Variants in GGT7 observed in about 807,000 individuals in gnomAD.
GGT7 encodes the protein glutathione hydrolase 7.
Under a neutral mutation model 69.2 loss-of-function variants are expected in GGT7, and 30 were observed. That is an observed-to-expected ratio of 0.43 (90% CI 0.32 to 0.59). The LOEUF (loss-of-function observed/expected upper bound fraction) is 0.59, where lower values mean the gene tolerates loss of function less well. Ranked by LOEUF, GGT7 falls within the 20% of genes least tolerant of loss-of-function variation. The probability of loss-of-function intolerance (pLI) is 0.05; values close to 1 mark genes in which losing one functional copy is unlikely to be tolerated. For synonymous variants in GGT7, 388 were observed against 391.8 expected, an observed-to-expected ratio of 0.99 and a Z score of 0.12; for missense variants, 733 against 901.1, an observed-to-expected ratio of 0.81 and a Z score of 2.39.
At chr20:34,858,687 C>G (rs2079533648) in intron 7 of GGT7, among the ~76,000 whole-genome samples, 1 of 152,210 alleles carries the variant, frequency 6.6e-6, no homozygotes, top group African/African-American at 2.4e-5. Flanking sequence ...TCAATCTCCC[C>G]AGTCTTGATA....
chr20:34,854,458 G>A, intron 10 of GGT7, 73 bp downstream of exon 10: 1 of 855,804 alleles, frequency 1.2e-6, no homozygotes. Flanking sequence ...TGCTATACCA[G>A]CTGCTTTTCT....
At chr20:34,866,574 A>ATTTTTG (rs747180745) in intron 1 of GGT7, among the ~76,000 whole-genome samples, 2 of 149,510 alleles carry the variant, frequency 1.3e-5, no homozygotes, top group Non-Finnish European at 3.0e-5. Context: ...TGAACATGTA[A>ATTTTTG]TTTTTGTTTT....
chr20:34,845,380 A>T lies in GGT7; in HGVS notation c.1937T>A (p.Ile646Asn). Residue 646 changes from isoleucine (I) to asparagine (N), a missense_variant, in exon 15 of 15, where the codon ATC (isoleucine) becomes AAC (asparagine). Physicochemically the swap from Ile to Asn is moderately radical, Grantham distance 149. Transcript: ENST00000336431. ...TGGGCTCCGAGGGTCCTTAACAGCG[A>T]TGATGAAGTTGTTGGTCCTTCGGCT... Reference protein sequence around the residue: ...HGSRRTNNFIIAVKDPRSPDA... With the variant: ...HGSRRTNNFINAVKDPRSPDA... The T allele has an allele frequency of 6.2e-7, 1 of 1,614,194 alleles. No individual in the cohort carries two copies. The highest frequency in any genetic ancestry group is 8.5e-7 in the Non-Finnish European group (1 of 1,180,024).
At chr20:34,847,358 G>A (rs17092148) in intron 14 of GGT7, among the ~76,000 whole-genome samples, 1 of 151,954 alleles carries the variant, frequency 6.6e-6, no homozygotes, top group South Asian at 2.1e-4. Flanking sequence ...GACAAATCAG[G>A]TCATGTGTCT....
chr20:34,859,407 G>A, intron 7 of GGT7, 36 bp downstream of exon 7: 1 of 1,511,364 alleles, frequency 6.6e-7, no homozygotes, highest in Non-Finnish European at 9.0e-7. Flanking sequence ...TAGGGACCTT[G>A]GGGCATGCCC....
Position 34,852,509 on chromosome 20 carries a change from T to C in GGT7, c.1349A>G (p.His450Arg), listed in dbSNP as rs1025353649. Residue 450 changes from histidine to arginine, a missense_variant, in exon 11 of 15, where the codon CAT becomes CGT. His to Arg is a conservative substitution (Grantham distance 29). Transcript: ENST00000336431. ...SKVEAAYLRG[H>R]INDSQAAPAP... ...AGGGGCTGCCTGGGAGTCATTGATA[T>C]GGCCCCGGAGGTAGGCGGCCTCCAC... is the stretch of plus-strand genomic sequence containing the variant. 3.8e-6 allele frequency: 6 copies of C among 1,597,402 alleles called. No individual in the cohort carries two copies. The highest frequency in any genetic ancestry group is 5.1e-6 in the Non-Finnish European group (6 of 1,172,488).
Position 34,857,705 on chromosome 20 carries a change from C to T in GGT7, c.1015-812G>A, listed in dbSNP as rs2079519166. On this transcript the variant is annotated intron_variant, in intron 7 of 14. Coordinates refer to ENST00000336431, the MANE Select transcript of GGT7 (RefSeq NM_178026.3). ...CGATCATGGCTCACTGTAGCCTCAA[C>T]CTTCCCAGGCTCAGATGATCCTCCT... is the stretch of plus-strand genomic sequence containing the variant. 2.0e-5 allele frequency among the ~76,000 whole-genome samples: 3 copies of T among 149,452 alleles called. No individual in the cohort carries two copies. The South Asian group carries it at 6.4e-4, about 32-fold the overall frequency.
At chr20:34,858,968 C>T (rs1022452109) in intron 7 of GGT7, among the ~76,000 whole-genome samples, 1 of 152,114 alleles carries the variant, frequency 6.6e-6, no homozygotes. Context: ...GTCAGGAGTT[C>T]GAGACCAGCC....
At chr20:34,854,356 T>C (rs2079451119) in intron 10 of GGT7, among the ~76,000 whole-genome samples, 175 bp downstream of exon 10, 1 of 152,222 alleles carries the variant, frequency 6.6e-6, no homozygotes, top group South Asian at 2.1e-4. Flanking sequence ...CTCATTGTGC[T>C]GATAGGAAAG....
In GGT7 at chr20:34,844,969, G is replaced by C. The variant is rs2079275495; in HGVS notation, c.*359C>G. 1.2e-5 allele frequency: 3 copies of C among 241,462 alleles called. No homozygotes were observed. In the South Asian group the frequency reaches 2.3e-4, roughly 19 times the overall value. The allele number at this position is 241,462 out of a possible 1,614,324, so 15.0% of individuals were successfully genotyped here. ...AGGTCAGGCCAGTCTGAAGATGTTG[G>C]GGTTGTGAGACCCTTGAGAAGGGTT... On this transcript the variant is annotated 3_prime_UTR_variant, in exon 15 of 15. Transcript: ENST00000336431.
intron 10 of GGT7, 128 bp downstream of exon 10, chr20:34,854,403 G>C: frequency 1.6e-6 from 1 of 624,664 alleles, no homozygotes. Context: ...GTCACGTTGT[G>C]AGTTGGGGTT....
intron 1 of GGT7, among the ~76,000 whole-genome samples, chr20:34,870,623 C>G: frequency 6.6e-6 from 1 of 151,570 alleles, no homozygotes; most frequent in East Asian, 1.9e-4. Context: ...TGCCACCAGG[C>G]CTGGCTAATT....
At chr20:34,871,336 T>G (rs544250096) in intron 1 of GGT7, among the ~76,000 whole-genome samples, 1 of 152,242 alleles carries the variant, frequency 6.6e-6, no homozygotes, top group South Asian at 2.1e-4. Context: ...TGTCGCTTGG[T>G]GAGTCAGGGC....
intron 1 of GGT7, among the ~76,000 whole-genome samples, chr20:34,865,556 G>A (rs1197439814): frequency 6.6e-6 from 1 of 152,214 alleles, no homozygotes; most frequent in Non-Finnish European, 1.5e-5. Flanking sequence ...GATAAGAGTG[G>A]AGGTAGGAGA....
chr20:34,860,190 G>A, intron 5 of GGT7, 64 bp downstream of exon 5: 1 of 1,255,788 alleles, frequency 8.0e-7, no homozygotes, highest in Non-Finnish European at 1.2e-6. Flanking sequence ...CAGGGAAGTA[G>A]GAGAAGGCCA....
At position 34,863,658 on chromosome 20, in the gene GGT7, C is replaced by T. The variant is rs958835458; in HGVS notation, c.170-110G>A. 2.6e-6 allele frequency: 2 copies of T among 780,388 alleles called. No individual in the cohort carries two copies. Among genetic ancestry groups the T allele is most frequent in the South Asian group, 1.5e-5 (1 of 68,136 alleles). The allele number at this position is 780,388 out of a possible 1,614,324, so 48.3% of individuals were successfully genotyped here. A position where few individuals can be genotyped will look rare whatever the true frequency, so the allele number is the denominator to read the frequency against. On this transcript the variant is annotated intron_variant, in intron 1 of 14. Coordinates refer to ENST00000336431, the MANE Select transcript of GGT7 (RefSeq NM_178026.3). The surrounding 1 kb of genome is among the most constrained non-coding windows in gnomAD (Gnocchi z 4.4). ...TGCCCCGCCCCTGCCACACAATCCCCGCACTGGCTAGCACTACTCACCTTT... is the reference window on the plus strand; with the variant it reads ...TGCCCCGCCCCTGCCACACAATCCCTGCACTGGCTAGCACTACTCACCTTT...
chr20:34,859,006 A>G (rs1476372295), intron 7 of GGT7, among the ~76,000 whole-genome samples: 1 of 152,114 alleles, frequency 6.6e-6, no homozygotes, highest in Non-Finnish European at 1.5e-5. Context: ...CCTCATCTCT[A>G]CTAAAAATAC....
rs764141192 is a variant in GGT7, at chr20:34,861,460, T to G, written c.660A>C (p.Arg220Ser). ...GGGTCCCCACCTTGGTCTCCCAGGA[T>G]CTTTGCAGGGTCTCTTCCCTGAGGG... is the stretch of plus-strand genomic sequence containing the variant. Reference protein sequence around the residue: ...PGALREETLQRSWETKPGLLV... With the variant: ...PGALREETLQSSWETKPGLLV... The change falls in exon 4 of 15, where the codon AGA (arginine) becomes AGC (serine). Residue 220 changes from arginine to serine, a missense_variant. By Grantham distance (110) the Arg-to-Ser change is moderately radical. Transcript: ENST00000336431. 6.4e-7 allele frequency: 1 copy of G among 1,557,714 alleles called. No individual in the cohort carries two copies. Among genetic ancestry groups the G allele is most frequent in the Admixed American group, 1.8e-5 (1 of 56,652 alleles).
rs896958398 is a variant in GGT7 at position 34,872,849 on chromosome 20, C to A, written c.-34G>T. ...GCGCCCCCCAGCAGCGCAGCGCCTG[C>A]CGGAAGTGGCTGCGGCGGGGGAGTG... On this transcript the variant is annotated 5_prime_UTR_variant, in exon 1 of 15. Transcript: ENST00000336431. 4.6e-6 allele frequency: 6 copies of A among 1,317,534 alleles called. No homozygotes were observed. Among genetic ancestry groups the A allele is most frequent in the Non-Finnish European group, 5.8e-6 (6 of 1,025,990 alleles). 81.6% of individuals were successfully genotyped at this position (1,317,534 alleles called of 1,614,324 possible). A position where few individuals can be genotyped will look rare whatever the true frequency, so the allele number is the denominator to read the frequency against.
Sources: gnomAD v4.1 joint callset for allele counts (sites outside exome capture counted in the v4.1 genomes callset) on GRCh38, gnomAD v4.1.1 for gene constraint, Gnocchi (gnomAD v3.1) non-coding constraint, MANE v1.5 for transcripts, NCBI Gene and HGNC (gene_info 2026-07-23, HGNC 2026-07-21) for gene names.